CNTN5: variants seen among roughly 807,000 people sequenced by gnomAD.
CNTN5 encodes contactin 5.
CNTN5 carries 77 observed loss-of-function variants against 129.1 expected under a neutral mutation model. The observed-to-expected ratio is 0.60, with a 90% CI of 0.50 to 0.72. The LOEUF is 0.72. CNTN5 is among the 30% of genes least tolerant of loss of function. The probability of loss-of-function intolerance (pLI) is 0.00; values close to 1 mark genes in which losing one functional copy is unlikely to be tolerated. For synonymous variants in CNTN5, 509 were observed against 465.6 expected (o/e 1.09, Z -1.20); for missense variants, 1,478 against 1,328.8 (o/e 1.11, Z -1.75).
rs578148861 is a variant in CNTN5 at position 99,647,309 on chromosome 11, G to A, written c.55+91040G>A. On this transcript the variant is annotated intron_variant, in intron 3 of 24. Transcript: ENST00000524871. ...TTTTAAAGAGACTGTACTTTCCCCC[G>A]TGAAAGTTCTTGGCACCTTTGTCAA... Among the ~76,000 whole-genome samples, 20 of 152,052 alleles carry A rather than the reference G, an allele frequency of 1.3e-4. No individual in the cohort carries two copies. The South Asian group carries it at 2.3e-3, about 17-fold the overall frequency.
At chr11:99,212,985 A>G (rs1859883919) in intron 1 of CNTN5, among the ~76,000 whole-genome samples, 1 of 151,724 alleles carries the variant, frequency 6.6e-6, no homozygotes, top group Admixed American at 6.6e-5. Flanking sequence ...AAGTCAGGAG[A>G]TGGAGACCAT....
chr11:99,583,918 A>C (rs1388796929), intron 3 of CNTN5, among the ~76,000 whole-genome samples: 1 of 152,110 alleles, frequency 6.6e-6, no homozygotes, highest in Admixed American at 6.5e-5. Flanking sequence ...TGCATGGCTC[A>C]AGCTGGGAGC....
intron 3 of CNTN5, among the ~76,000 whole-genome samples, chr11:99,676,466 C>A (rs569370394): frequency 1.2e-3 from 188 of 152,296 alleles, no homozygotes; most frequent in African/African-American, 4.3e-3. Context: ...AAATACATTT[C>A]TTTCTCATAG....
intron 1 of CNTN5, among the ~76,000 whole-genome samples, chr11:99,127,105 A>G (rs1373545167): frequency 6.6e-6 from 1 of 152,114 alleles, no homozygotes; most frequent in Non-Finnish European, 1.5e-5. Flanking sequence ...GGTCTGTTTC[A>G]TATTTTTATA....
At chr11:99,323,080 G>T (rs1421987806) in intron 1 of CNTN5, among the ~76,000 whole-genome samples, 1 of 152,164 alleles carries the variant, frequency 6.6e-6, no homozygotes, top group Non-Finnish European at 1.5e-5. Flanking sequence ...TTTTCATAAA[G>T]TGTAACTTGA....
chr11:99,436,017 C>T (rs1463023951), intron 2 of CNTN5, among the ~76,000 whole-genome samples: 1 of 152,140 alleles, frequency 6.6e-6, no homozygotes, highest in Non-Finnish European at 1.5e-5. Flanking sequence ...ATAGACATTT[C>T]AAGGTTGAAA....
chr11:99,807,635 C>A (rs76140677), intron 3 of CNTN5, among the ~76,000 whole-genome samples: 1 of 152,064 alleles, frequency 6.6e-6, no homozygotes, highest in Non-Finnish European at 1.5e-5. Context: ...CTGTCTCAGC[C>A]TCCTAAATAG....
intron 2 of CNTN5, among the ~76,000 whole-genome samples, chr11:99,504,599 C>T (rs942960617): frequency 6.0e-5 from 9 of 150,984 alleles, no homozygotes; most frequent in Admixed American, 5.3e-4. Flanking sequence ...ACTAACAATT[C>T]AGTTGTCTGA....
At chr11:99,877,384 G>T (rs1948660920) in intron 6 of CNTN5, among the ~76,000 whole-genome samples, 1 of 152,100 alleles carries the variant, frequency 6.6e-6, no homozygotes, top group South Asian at 2.1e-4. Context: ...TTCAGGTCCA[G>T]TATATCAACA....
intron 3 of CNTN5, among the ~76,000 whole-genome samples, chr11:99,771,740 G>T (rs938644437): frequency 2.0e-5 from 3 of 151,916 alleles, no homozygotes; most frequent in Non-Finnish European, 4.4e-5. Flanking sequence ...GTCAAGTAAG[G>T]TTAATAATGC....
At chr11:99,597,248 G>T (rs1325456499) in intron 3 of CNTN5, among the ~76,000 whole-genome samples, 5 of 152,082 alleles carry the variant, frequency 3.3e-5, no homozygotes. Flanking sequence ...AATGTTCTTG[G>T]TTCTGAAGCC....
intron 6 of CNTN5, among the ~76,000 whole-genome samples, chr11:99,890,846 A>C (rs756156298): frequency 6.6e-6 from 1 of 152,156 alleles, no homozygotes; most frequent in African/African-American, 2.4e-5. Context: ...TGGTGATAAT[A>C]TGAATCCTGG....
At chr11:100,138,035 G>A (rs1343239017) in intron 13 of CNTN5, among the ~76,000 whole-genome samples, 5 of 151,996 alleles carry the variant, frequency 3.3e-5, no homozygotes, top group African/African-American at 7.2e-5. Flanking sequence ...GAACTTAGTT[G>A]ACAAAATAGA....
chr11:99,234,718 A>G (rs1312913734), intron 1 of CNTN5, among the ~76,000 whole-genome samples: 1 of 151,896 alleles, frequency 6.6e-6, no homozygotes, highest in Non-Finnish European at 1.5e-5. Flanking sequence ...TTTAAAAATA[A>G]ATAATAATGT....
At chr11:99,676,699 A>G (rs926705644) in intron 3 of CNTN5, among the ~76,000 whole-genome samples, 4 of 152,210 alleles carry the variant, frequency 2.6e-5, no homozygotes, top group Non-Finnish European at 4.4e-5. Flanking sequence ...CGTTGTGCCC[A>G]TATACCCTAG....
intron 9 of CNTN5, among the ~76,000 whole-genome samples, chr11:100,004,778 G>A (rs983793532): frequency 6.6e-6 from 1 of 152,196 alleles, no homozygotes; most frequent in Non-Finnish European, 1.5e-5. Context: ...GATATGAAGT[G>A]GGCCAGGGAT....
intron 3 of CNTN5, among the ~76,000 whole-genome samples, chr11:99,707,775 A>G (rs925225099): frequency 2.0e-5 from 3 of 151,694 alleles, no homozygotes; most frequent in East Asian, 3.9e-4. Context: ...TAAAATGTTT[A>G]GCCTTCCCAT....
chr11:99,289,997 A>T (rs978689970), intron 1 of CNTN5, among the ~76,000 whole-genome samples: 5 of 151,816 alleles, frequency 3.3e-5, no homozygotes, highest in African/African-American at 1.2e-4. Flanking sequence ...TATTGATAAT[A>T]TTCCTTTTTT....
chr11:100,340,437 C>T lies in CNTN5; in HGVS notation c.2731-26C>T, dbSNP rs370983449. ...AGCACAGAGGAAGCTTTAAAATTAA[C>T]CTGCCATGTGATAATTTGTTGATAG... is the stretch of plus-strand genomic sequence containing the variant. On this transcript the variant is annotated intron_variant, in intron 21 of 24. Coordinates refer to ENST00000524871, the MANE Select transcript of CNTN5 (RefSeq NM_014361.4). 6 of 1,558,078 alleles carry T rather than the reference C, an allele frequency of 3.9e-6. No homozygotes were observed. In the African/African-American group the frequency reaches 8.2e-5, roughly 21 times the overall value.
Sources: gnomAD v4.1 joint callset for allele counts (sites outside exome capture counted in the v4.1 genomes callset) on GRCh38, gnomAD v4.1.1 for gene constraint, MANE v1.5 for transcripts, NCBI Gene and HGNC (gene_info 2026-07-23, HGNC 2026-07-21) for gene names.